The following TBXAS1 variants were observed in gnomAD, a reference collection of about 807,000 sequenced individuals.
TBXAS1 encodes the protein thromboxane-A synthase.
In TBXAS1, 48 loss-of-function variants were observed where a neutral mutation model predicts 60.7. That is an observed-to-expected ratio of 0.79 (90% CI 0.63 to 1.01). TBXAS1 has a LOEUF of 1.01. Ranked by LOEUF, TBXAS1 falls within the 50% of genes least tolerant of loss-of-function variation. TBXAS1 has a pLI of 0.00. For missense variants in TBXAS1, 685 were observed against 686.3 expected (o/e 1.00, Z 0.02); for synonymous variants, 287 against 269.7 (o/e 1.06, Z -0.63).
chr7:140,011,080 C>G (rs1814568190), intron 10 of TBXAS1, among the ~76,000 whole-genome samples: 1 of 151,738 alleles, frequency 6.6e-6, no homozygotes, highest in Admixed American at 6.6e-5. Context: ...AGTTCAAGAC[C>G]AGCCTGACCA....
At chr7:139,907,044 A>G (rs893682404) in intron 3 of TBXAS1, among the ~76,000 whole-genome samples, 4 of 152,108 alleles carry the variant, frequency 2.6e-5, no homozygotes, top group Non-Finnish European at 4.4e-5. Flanking sequence ...TTCTTGCCTT[A>G]TTGCACTGGC....
intron 4 of TBXAS1, among the ~76,000 whole-genome samples, chr7:139,931,070 C>T (rs144755174): frequency 6.4e-4 from 97 of 152,076 alleles, no homozygotes; most frequent in East Asian, 4.4e-3. Flanking sequence ...CACATACACA[C>T]GCATACATGT....
chr7:139,981,149 C>T (rs942961643), intron 9 of TBXAS1, among the ~76,000 whole-genome samples: 21 of 152,242 alleles, frequency 1.4e-4, no homozygotes, highest in Middle Eastern at 6.8e-3. Context: ...GCTCTGTCAC[C>T]CAGGCTGGAG....
chr7:139,792,032 CA>C (rs1797402046), intron 4 of TBXAS1, among the ~76,000 whole-genome samples: 1 of 152,018 alleles, frequency 6.6e-6, no homozygotes, highest in African/African-American at 2.4e-5. Flanking sequence ...TGCTATATCC[CA>C]TAGAAAGCAC....
intron 9 of TBXAS1, among the ~76,000 whole-genome samples, chr7:139,971,157 C>T (rs761972609): frequency 6.6e-6 from 1 of 152,074 alleles, no homozygotes; most frequent in Non-Finnish European, 1.5e-5. Flanking sequence ...AGCATCTGGC[C>T]CTGGGAAGTA....
rs1809984403 is a variant in TBXAS1 at position 139,957,722 on chromosome 7, T to C, written c.777T>C (p.Ile259=). The C allele has an allele frequency of 6.2e-7, 1 of 1,614,046 alleles. No homozygotes were observed. The highest frequency in any genetic ancestry group is 8.5e-7 in the Non-Finnish European group (1 of 1,180,010). Reference sequence around the variant, plus strand: ...TGAATGGCTTTTTTAACAAACTCATTAGGAATGTGATTGCCTTGCGGGACC... The same window carrying C: ...TGAATGGCTTTTTTAACAAACTCATCAGGAATGTGATTGCCTTGCGGGACC... ...DELNGFFNKL[I]RNVIALRDQQ... The change falls in exon 8 of 13, where the codon ATT becomes ATC. Residue 259 remains isoleucine (I), a synonymous_variant. Transcript: ENST00000448866.
At position 139,953,424 on chromosome 7, in the gene TBXAS1, T is replaced by C; in HGVS notation, c.507T>C (p.Tyr169=). ...TTCTCCTGGCTCATTTAAAACGCTA[T>C]GCGGAATCTGGGGACGCATTTGACA... The part of the protein sequence containing the change: ...CDLLLAHLKR[Y]AESGDAFDIQ... The change falls in exon 6 of 13, where the codon TAT becomes TAC. Residue 169 remains tyrosine (Y), a synonymous_variant. Transcript: ENST00000448866. 6.2e-7 allele frequency: 1 copy of C among 1,614,220 alleles called. No homozygotes were observed. Among genetic ancestry groups the C allele is most frequent in the Non-Finnish European group, 8.5e-7 (1 of 1,180,028 alleles).
chr7:139,882,961 A>G (rs1032720855), intron 3 of TBXAS1, among the ~76,000 whole-genome samples: 2 of 152,192 alleles, frequency 1.3e-5, no homozygotes, highest in African/African-American at 4.8e-5. Flanking sequence ...CCTTTTTTAA[A>G]TGATTGGAAT....
Position 139,920,692 on chromosome 7 carries a change from G to T in TBXAS1, c.333+9371G>T, listed in dbSNP as rs146926574. ...AGATTAAAAACCCAAATTAAAACAG[G>T]GCCAAAGGATTCCTGTCAGCTCTTA... is the stretch of plus-strand genomic sequence containing the variant. On this transcript the variant is annotated intron_variant, in intron 4 of 12. Coordinates refer to ENST00000448866, the MANE Select transcript of TBXAS1 (RefSeq NM_001061.7). Among the ~76,000 whole-genome samples the T allele has an allele frequency of 5.6e-3, 850 of 152,206 alleles. 8 individuals are homozygous for T. The highest frequency in any genetic ancestry group is 0.018 in the South Asian group (87 of 4,812).
intron 10 of TBXAS1, among the ~76,000 whole-genome samples, chr7:140,007,698 C>T (rs746178417): frequency 6.6e-5 from 10 of 152,286 alleles, no homozygotes; most frequent in South Asian, 2.1e-4. Context: ...AGCTCCAACA[C>T]GACTCACCCT....
At chr7:139,934,413 C>T (rs1807578885) in intron 4 of TBXAS1, among the ~76,000 whole-genome samples, 1 of 152,064 alleles carries the variant, frequency 6.6e-6, no homozygotes, top group African/African-American at 2.4e-5. Flanking sequence ...GTCTCAAACT[C>T]CTGACCTCAG....
intron 4 of TBXAS1, among the ~76,000 whole-genome samples, chr7:139,934,769 C>A (rs1310264042): frequency 2.6e-5 from 4 of 152,142 alleles, no homozygotes; most frequent in African/African-American, 9.7e-5. Flanking sequence ...ATAAGCACAC[C>A]AGTCATGTTG....
chr7:139,941,322 G>A (rs1353420474), intron 5 of TBXAS1, among the ~76,000 whole-genome samples: 5 of 152,160 alleles, frequency 3.3e-5, no homozygotes, highest in African/African-American at 9.7e-5. Context: ...AGCTTTGGAT[G>A]GCGTTGTCTT....
At chr7:139,865,145 G>T (rs1309541671) in intron 1 of TBXAS1, among the ~76,000 whole-genome samples, 1 of 152,184 alleles carries the variant, frequency 6.6e-6, no homozygotes, top group African/African-American at 2.4e-5. Flanking sequence ...ATGGAGAGGG[G>T]GCTGAACATG....
At chr7:139,902,805 G>A (rs1804683509) in intron 3 of TBXAS1, among the ~76,000 whole-genome samples, 3 of 152,100 alleles carry the variant, frequency 2.0e-5, no homozygotes, top group Admixed American at 6.5e-5. Flanking sequence ...CTTTCTGATA[G>A]ATGTGAAATG....
chr7:139,967,315 G>A (rs766747542), intron 9 of TBXAS1, among the ~76,000 whole-genome samples: 4 of 152,262 alleles, frequency 2.6e-5, no homozygotes, highest in Non-Finnish European at 4.4e-5. Flanking sequence ...TCTGCTGCAT[G>A]AGCAGATGGC....
chr7:139,888,728 G>A (rs981527469), intron 3 of TBXAS1, among the ~76,000 whole-genome samples: 1 of 152,128 alleles, frequency 6.6e-6, no homozygotes, highest in Non-Finnish European at 1.5e-5. Context: ...AAGTTCAGAG[G>A]TTTTGGCTGA....
chr7:139,833,396 A>T (rs1420063014), intron 1 of TBXAS1, among the ~76,000 whole-genome samples: 2 of 151,882 alleles, frequency 1.3e-5, no homozygotes, highest in East Asian at 3.9e-4. Flanking sequence ...AAAGAGACAA[A>T]GAGGGGCCGG....
intron 4 of TBXAS1, among the ~76,000 whole-genome samples, chr7:139,802,688 G>A (rs919458141): frequency 3.9e-5 from 6 of 152,180 alleles, no homozygotes; most frequent in African/African-American, 7.2e-5. Flanking sequence ...CAGAGGCTGA[G>A]GCAGGAGAAT....
Sources: gnomAD v4.1 joint callset for allele counts (sites outside exome capture counted in the v4.1 genomes callset) on GRCh38, gnomAD v4.1.1 for gene constraint, MANE v1.5 for transcripts, NCBI Gene and HGNC (gene_info 2026-07-23, HGNC 2026-07-21) for gene names.